ZCCHC17: variants seen among roughly 807,000 people sequenced by gnomAD.
ZCCHC17 encodes zinc finger CCHC domain-containing protein 17.
A neutral mutation model predicts 30.6 loss-of-function variants in ZCCHC17; 18 were observed. The observed-to-expected ratio is 0.59, with a 90% CI of 0.41 to 0.87. The LOEUF (loss-of-function observed/expected upper bound fraction) is 0.87. ZCCHC17 is among the 40% of genes least tolerant of loss of function. ZCCHC17 has a pLI of 0.00. For missense variants in ZCCHC17, 263 were observed against 284.2 expected (o/e 0.93, Z 0.54); for synonymous variants, 88 against 92.4 (o/e 0.95, Z 0.27).
intron 4 of ZCCHC17, 70 bp from the exon 5 acceptor site, chr1:31,338,887 T>C: frequency 2.0e-6 from 2 of 1,018,316 alleles, no homozygotes; most frequent in Non-Finnish European, 3.0e-6. Context: ...AAACGTTGAC[T>C]CTTAATTTTA....
At chr1:31,324,585 GCT>G (rs1225768565) in intron 3 of ZCCHC17, among the ~76,000 whole-genome samples, 1 of 152,230 alleles carries the variant, frequency 6.6e-6, no homozygotes, top group Non-Finnish European at 1.5e-5. Flanking sequence ...CCCGGCTCCT[GCT>G]CTGATTTTGG....
chr1:31,333,047 T>C (rs2148446756), intron 3 of ZCCHC17: 1 of 152,298 alleles, frequency 6.6e-6, no homozygotes, highest in Non-Finnish European at 1.5e-5. Context: ...CATTTCCCCA[T>C]TAAAAAAATA....
chr1:31,310,139 C>A lies in ZCCHC17; in HGVS notation c.41C>A (p.Ala14Asp), dbSNP rs1319681708. 1 of 1,614,040 alleles carries A rather than the reference C, an allele frequency of 6.2e-7. No individual in the cohort carries two copies. The highest frequency in any genetic ancestry group is 1.1e-5 in the South Asian group (1 of 91,074). Reference sequence around the variant, plus strand: ...CCTGAGACCATGGAAAACTTGCCTGCTCTCTACACTATTTTCCAAGGAGAG... The same window carrying A: ...CCTGAGACCATGGAAAACTTGCCTGATCTCTACACTATTTTCCAAGGAGAG... ...GRPETMENLP[A>D]LYTIFQGEVA... The change falls in exon 2 of 8, where the codon GCT (alanine) becomes GAT (aspartate). Residue 14 changes from alanine to aspartate, a missense_variant. Transcript: ENST00000344147.
chr1:31,326,124 C>G (rs574040302), intron 3 of ZCCHC17, among the ~76,000 whole-genome samples: 2 of 151,970 alleles, frequency 1.3e-5, no homozygotes, highest in East Asian at 3.9e-4. Flanking sequence ...CCTTTAATAT[C>G]TTTTTTCTTT....
intron 2 of ZCCHC17, among the ~76,000 whole-genome samples, chr1:31,317,217 G>A (rs543374052): frequency 6.6e-6 from 1 of 151,880 alleles, no homozygotes; most frequent in South Asian, 2.1e-4. Context: ...TAGAGACAGG[G>A]TTTCACCATG....
intron 3 of ZCCHC17, among the ~76,000 whole-genome samples, chr1:31,327,121 A>C (rs761735682): frequency 3.9e-5 from 6 of 152,190 alleles, no homozygotes; most frequent in Non-Finnish European, 7.4e-5. Context: ...TGATGAAAAT[A>C]TTCCTTATGT....
chr1:31,345,616 A>G (rs1009204092), intron 5 of ZCCHC17, among the ~76,000 whole-genome samples: 7 of 140,788 alleles, frequency 5.0e-5, no homozygotes, highest in African/African-American at 2.0e-4. Context: ...ACTACCTGAG[A>G]CTGGGTAATT....
At chr1:31,333,807 C>A (rs1352823769) in intron 3 of ZCCHC17, among the ~76,000 whole-genome samples, 1 of 152,136 alleles carries the variant, frequency 6.6e-6, no homozygotes, top group Non-Finnish European at 1.5e-5. Context: ...ATGTGGTACT[C>A]CAGTAAATAG....
intron 3 of ZCCHC17, among the ~76,000 whole-genome samples, chr1:31,327,686 T>C (rs897502238): frequency 7.9e-5 from 12 of 152,172 alleles, no homozygotes; most frequent in African/African-American, 2.9e-4. Flanking sequence ...AGTGCTTGTG[T>C]TCCAAGTAAC....
At position 31,364,688 on chromosome 1, in the gene ZCCHC17, TG is replaced by T. The variant is rs1326298255; in HGVS notation, c.*497del. 1.3e-5 allele frequency: 2 copies of T among 155,206 alleles called. No homozygotes were observed. The highest frequency in any genetic ancestry group is 4.8e-5 in the African/African-American group (2 of 41,484). 9.6% of individuals were successfully genotyped at this position (155,206 alleles called of 1,614,324 possible). ...CAGGAGGGGGGAACATGGTGAGAAGTGGTGCTCACTTTTCCCATTCCTCCTA... is the reference window on the plus strand; with the variant it reads ...CAGGAGGGGGGAACATGGTGAGAAGTGTGCTCACTTTTCCCATTCCTCCTA... On this transcript the variant is annotated 3_prime_UTR_variant, in exon 8 of 8. Transcript: ENST00000344147.
chr1:31,324,408 G>T (rs1638255552), intron 3 of ZCCHC17, among the ~76,000 whole-genome samples: 1 of 152,184 alleles, frequency 6.6e-6, no homozygotes, highest in Non-Finnish European at 1.5e-5. Flanking sequence ...CAGGAGCCCT[G>T]CCCCCTTATG....
chr1:31,356,124 A>T (rs1345697338), intron 7 of ZCCHC17, among the ~76,000 whole-genome samples: 3 of 152,258 alleles, frequency 2.0e-5, no homozygotes, highest in Non-Finnish European at 4.4e-5. Flanking sequence ...CATTTCTAAC[A>T]GTTAAAAAAG....
intron 7 of ZCCHC17, 123 bp from the exon 8 acceptor site, chr1:31,363,909 C>T (rs1240160917): frequency 1.4e-6 from 2 of 1,415,574 alleles, no homozygotes; most frequent in East Asian, 2.5e-5. Flanking sequence ...GCATTCCTCC[C>T]ACCTCGGCTT....
chr1:31,330,988 A>G (rs375653755), intron 3 of ZCCHC17, among the ~76,000 whole-genome samples: 4 of 152,228 alleles, frequency 2.6e-5, no homozygotes, highest in Admixed American at 2.6e-4. Context: ...AGCCATAGAT[A>G]GAAATAAACC....
At chr1:31,338,134 CTT>C (rs745793056) in intron 4 of ZCCHC17, among the ~76,000 whole-genome samples, 12 of 126,328 alleles carry the variant, frequency 9.5e-5, no homozygotes, top group African/African-American at 8.8e-5. Context: ...TAAACCTGGC[CTT>C]TTTTTTTTTT....
At chr1:31,300,166 C>T (rs1646274513) in intron 1 of ZCCHC17, among the ~76,000 whole-genome samples, 1 of 152,128 alleles carries the variant, frequency 6.6e-6, no homozygotes, top group South Asian at 2.1e-4. Context: ...CTCCAGTGAT[C>T]CTCCCACCTC....
At chr1:31,322,524 C>G (rs1283578529) in intron 3 of ZCCHC17, among the ~76,000 whole-genome samples, 1 of 152,138 alleles carries the variant, frequency 6.6e-6, no homozygotes, top group African/African-American at 2.4e-5. Flanking sequence ...GAGTACAAAG[C>G]CTCTGTCCCC....
intron 2 of ZCCHC17, chr1:31,318,201 C>G: frequency 3.9e-6 from 6 of 1,535,180 alleles, no homozygotes; most frequent in Non-Finnish European, 5.2e-6. Flanking sequence ...CAAGATGAAG[C>G]AGCTAATTGA....
chr1:31,324,557 G>A (rs1297756975), intron 3 of ZCCHC17, among the ~76,000 whole-genome samples: 2 of 152,236 alleles, frequency 1.3e-5, no homozygotes, highest in African/African-American at 4.8e-5. Flanking sequence ...TGCTCCCACT[G>A]CCTGGACTCT....
Sources: allele counts gnomAD v4.1 joint callset (sites outside exome capture counted in the v4.1 genomes callset), GRCh38; gene constraint gnomAD v4.1.1; transcripts MANE v1.5; gene names NCBI Gene and HGNC (gene_info 2026-07-23, HGNC 2026-07-21).